Variants in SAXO1 observed in about 807,000 individuals in gnomAD.
SAXO1 encodes the protein 4930500O09Rik.
Under a neutral mutation model 17.5 loss-of-function variants are expected in SAXO1, and 21 were observed. That is an observed-to-expected ratio of 1.20 (90% CI 0.85 to 1.72). SAXO1 has a LOEUF of 1.72. SAXO1 is among the 40% of genes most tolerant of loss of function. The probability of loss-of-function intolerance (pLI) is 0.00; values close to 1 mark genes in which losing one functional copy is unlikely to be tolerated. For missense variants in SAXO1, 843 were observed against 596.0 expected (o/e 1.41, Z -4.32); for synonymous variants, 274 against 216.5 (o/e 1.27, Z -2.33).
At chr9:18,953,507 A>C (rs1295060786) in intron 1 of SAXO1, among the ~76,000 whole-genome samples, 1 of 152,256 alleles carries the variant, frequency 6.6e-6, no homozygotes, top group Non-Finnish European at 1.5e-5. Context: ...GCAGACTTTG[A>C]CTTATTGCTG....
At chr9:19,004,396 A>G (rs1015935762) in intron 1 of SAXO1, among the ~76,000 whole-genome samples, 8 of 152,220 alleles carry the variant, frequency 5.3e-5, no homozygotes, top group African/African-American at 1.4e-4. Context: ...AAATCATGCT[A>G]CTATAAAGAC....
chr9:19,000,022 G>T (rs575039018), intron 1 of SAXO1, among the ~76,000 whole-genome samples: 2 of 148,382 alleles, frequency 1.3e-5, no homozygotes, highest in East Asian at 4.1e-4. Flanking sequence ...CCCACTGTCT[G>T]GGAAGTGAGG....
intron 1 of SAXO1, among the ~76,000 whole-genome samples, chr9:18,952,254 T>A (rs746508178): frequency 6.6e-6 from 1 of 152,190 alleles, no homozygotes; most frequent in Non-Finnish European, 1.5e-5. Context: ...GCTACCTTCA[T>A]GAATGGCATA....
At chr9:18,993,493 G>C (rs1318795787) in intron 1 of SAXO1, among the ~76,000 whole-genome samples, 1 of 152,198 alleles carries the variant, frequency 6.6e-6, no homozygotes, top group Non-Finnish European at 1.5e-5. Flanking sequence ...CAGCCAGTTT[G>C]GAGGGTGAGA....
chr9:18,995,006 C>T (rs111388576), intron 1 of SAXO1, among the ~76,000 whole-genome samples: 9 of 152,252 alleles, frequency 5.9e-5, no homozygotes, highest in African/African-American at 2.2e-4. Context: ...TCCATTAGAC[C>T]ATCCAGGAAG....
At chr9:18,956,443 TAC>T (rs1832261898) in intron 1 of SAXO1, among the ~76,000 whole-genome samples, 1 of 152,212 alleles carries the variant, frequency 6.6e-6, no homozygotes, top group East Asian at 1.9e-4. Flanking sequence ...TCTTGTAGGA[TAC>T]TTATGACTTG....
At chr9:18,991,631 G>T (rs1186381273) in intron 1 of SAXO1, among the ~76,000 whole-genome samples, 1 of 152,066 alleles carries the variant, frequency 6.6e-6, no homozygotes, top group Non-Finnish European at 1.5e-5. Flanking sequence ...TGAGTTAATG[G>T]GTGAAGCAAA....
intron 1 of SAXO1, chr9:19,027,765 TG>T: frequency 6.6e-7 from 1 of 1,504,980 alleles, no homozygotes; most frequent in Non-Finnish European, 9.1e-7. Flanking sequence ...AGGACGATGC[TG>T]GAGCTTCTGA....
chr9:18,973,856 T>G (rs1833037504), intron 1 of SAXO1, among the ~76,000 whole-genome samples: 1 of 152,272 alleles, frequency 6.6e-6, no homozygotes, highest in Admixed American at 6.5e-5. Flanking sequence ...GTCTTTTCAT[T>G]TATTGCCCAC....
In SAXO1 at chr9:19,027,737, G is replaced by A. The variant is rs1012890264; in HGVS notation, c.38+5134C>T. The A allele has an allele frequency of 9.0e-6, 13 of 1,449,800 alleles. No homozygotes were observed. The East Asian group carries it at 9.4e-5, about 10-fold the overall frequency. 89.8% of individuals were successfully genotyped at this position (1,449,800 alleles called of 1,614,324 possible). A position where few individuals can be genotyped will look rare whatever the true frequency, so the allele number is the denominator to read the frequency against. The stretch of plus-strand genomic sequence containing the variant: ...CAAGCACTTTGACAGCGAGAAGTCC[G>A]GGGACCGAGAGGTGCAGAGGACGAT... On this transcript the variant is annotated intron_variant, in intron 1 of 3. Transcript: ENST00000380534.
chr9:19,028,536 A>C (rs1426785913), intron 1 of SAXO1, among the ~76,000 whole-genome samples: 1 of 152,228 alleles, frequency 6.6e-6, no homozygotes, highest in Non-Finnish European at 1.5e-5. Flanking sequence ...AAGTCAAGAT[A>C]ATTAAGTGGT....
intron 1 of SAXO1, among the ~76,000 whole-genome samples, chr9:19,005,093 C>T (rs920488338): frequency 2.0e-5 from 3 of 152,064 alleles, no homozygotes; most frequent in Non-Finnish European, 2.9e-5. Context: ...GAAAGACTTT[C>T]ACATTCAAAA....
At chr9:18,954,588 C>G (rs1832174962) in intron 1 of SAXO1, among the ~76,000 whole-genome samples, 1 of 152,162 alleles carries the variant, frequency 6.6e-6, no homozygotes, top group Admixed American at 6.6e-5. Flanking sequence ...CCACCTACCT[C>G]AGCCACGCAA....
intron 1 of SAXO1, among the ~76,000 whole-genome samples, chr9:18,996,598 C>G (rs1834011185): frequency 6.6e-6 from 1 of 152,036 alleles, no homozygotes; most frequent in Non-Finnish European, 1.5e-5. Context: ...GACTGTACTT[C>G]AATATGCATC....
intron 3 of SAXO1, among the ~76,000 whole-genome samples, chr9:18,931,720 A>G (rs1424882997): frequency 2.0e-5 from 3 of 152,188 alleles, no homozygotes; most frequent in Non-Finnish European, 2.9e-5. Flanking sequence ...AGACATTCCA[A>G]TGGGTATTTA....
chr9:19,011,835 A>T (rs1834740346), intron 1 of SAXO1, among the ~76,000 whole-genome samples: 1 of 147,222 alleles, frequency 6.8e-6, no homozygotes, highest in South Asian at 2.1e-4. Flanking sequence ...CAATTTTACC[A>T]TTATTAAGCA....
chr9:18,980,856 G>A (rs147921218), intron 1 of SAXO1, among the ~76,000 whole-genome samples: 9 of 144,204 alleles, frequency 6.2e-5, no homozygotes, highest in East Asian at 6.2e-4. Flanking sequence ...AACCCTCACC[G>A]CTCATCCATC....
chr9:18,969,647 T>C (rs564003051), intron 1 of SAXO1, among the ~76,000 whole-genome samples: 1 of 152,366 alleles, frequency 6.6e-6, no homozygotes, highest in South Asian at 2.1e-4. Context: ...GGGGGTATCT[T>C]GTTCACTATT....
intron 2 of SAXO1, among the ~76,000 whole-genome samples, chr9:18,943,806 C>T (rs192957113): frequency 2.8e-4 from 42 of 152,330 alleles, no homozygotes; most frequent in Non-Finnish European, 1.5e-5. Flanking sequence ...AGCTGCCGTG[C>T]TGAGCCCACC....
Sources: allele counts gnomAD v4.1 joint callset (sites outside exome capture counted in the v4.1 genomes callset), GRCh38; gene constraint gnomAD v4.1.1; transcripts MANE v1.5; gene names NCBI Gene and HGNC (gene_info 2026-07-23, HGNC 2026-07-21).